PTPN11: variants seen among roughly 807,000 people sequenced by gnomAD.
PTPN11 encodes the protein protein tyrosine phosphatase non-receptor type 11.
PTPN11 carries 6 observed loss-of-function variants against 78.8 expected under a neutral mutation model. The observed-to-expected ratio is 0.08, with a 90% CI of 0.04 to 0.15. PTPN11 has a LOEUF of 0.15. PTPN11 is among the 10% of genes least tolerant of loss of function. The probability of loss-of-function intolerance (pLI) is 1.00; values close to 1 mark genes in which losing one functional copy is unlikely to be tolerated. For synonymous variants in PTPN11, 221 were observed against 263.5 expected (o/e 0.84, Z 1.56); for missense variants, 386 against 744.8 (o/e 0.52, Z 5.61).
intron 6 of PTPN11, among the ~76,000 whole-genome samples, chr12:112,465,715 C>A (rs907463839): frequency 6.6e-6 from 1 of 152,118 alleles, no homozygotes; most frequent in Non-Finnish European, 1.5e-5. Flanking sequence ...TACTTCTAGC[C>A]CCTTTCAGAT....
intron 13 of PTPN11, among the ~76,000 whole-genome samples, chr12:112,489,929 A>C (rs1039423176): frequency 1.3e-5 from 2 of 152,196 alleles, no homozygotes; most frequent in Non-Finnish European, 2.9e-5. Flanking sequence ...CAGTATTTGA[A>C]AGATTTCTAG....
rs199595513 is a variant in PTPN11 at position 112,477,532 on chromosome 12, G to GT, written c.854-110dup. 2.4e-3 allele frequency: 1,875 copies of GT among 770,114 alleles called. 1 individual carries two copies. The highest frequency in any genetic ancestry group is 4.5e-3 in the African/African-American group (255 of 56,408). 47.7% of individuals were successfully genotyped at this position (770,114 alleles called of 1,614,324 possible). ...CTTACCTGGGCTTTAATTTTTATGTGTTTTTTTTTCAATCATTGAATGAAC... is the reference window on the plus strand; with the variant it reads ...CTTACCTGGGCTTTAATTTTTATGTGTTTTTTTTTTCAATCATTGAATGAAC... On this transcript the variant is annotated intron_variant, in intron 7 of 15. Coordinates refer to ENST00000351677, the MANE Select transcript of PTPN11 (RefSeq NM_002834.5).
At chr12:112,485,470 G>A (rs1346389010) in intron 10 of PTPN11, among the ~76,000 whole-genome samples, 1 of 152,174 alleles carries the variant, frequency 6.6e-6, no homozygotes. Context: ...CTGGGCAGAG[G>A]CTGAGTATTT....
chr12:112,502,290 G>T, intron 14 of PTPN11, 34 bp downstream of exon 14: 1 of 1,549,068 alleles, frequency 6.5e-7, no homozygotes, highest in Non-Finnish European at 8.9e-7. Context: ...TTTTTACCTG[G>T]TCATGGTGGT....
At chr12:112,455,904 TCTGTAATATTTTC>T in intron 5 of PTPN11, 33 bp from the exon 6 acceptor site, 1 of 1,148,454 alleles carries the variant, frequency 8.7e-7, no homozygotes, top group Non-Finnish European at 1.3e-6. Flanking sequence ...AACACCGTTT[TCTGTAATATTTTC>T]TTTATTTTAC....
chr12:112,425,917 AT>A (rs1414049549), intron 1 of PTPN11, among the ~76,000 whole-genome samples: 2 of 151,742 alleles, frequency 1.3e-5, no homozygotes, highest in Non-Finnish European at 2.9e-5. Flanking sequence ...TTTTATAGAG[AT>A]GAGGTCGGAA....
chr12:112,488,538 C>T lies in PTPN11; in HGVS notation c.1447+28C>T, dbSNP rs370390890. ...GGGTCATCTGGTGGGCAAGAAGCGACAGTTTCTGTTTTTAGTTTATGGAAG... is the reference window on the plus strand; with the variant it reads ...GGGTCATCTGGTGGGCAAGAAGCGATAGTTTCTGTTTTTAGTTTATGGAAG... On this transcript the variant is annotated intron_variant, in intron 12 of 15. Coordinates refer to ENST00000351677, the MANE Select transcript of PTPN11 (RefSeq NM_002834.5). The T allele has an allele frequency of 2.9e-5, 45 of 1,567,844 alleles. No homozygotes were observed. The African/African-American group carries it at 6.1e-4, about 21-fold the overall frequency.
intron 6 of PTPN11, among the ~76,000 whole-genome samples, chr12:112,463,147 A>T (rs1387689274): frequency 6.6e-6 from 1 of 152,158 alleles, no homozygotes; most frequent in Admixed American, 6.6e-5. Context: ...TGAGTTGATC[A>T]TTTGTGTAAA....
intron 13 of PTPN11, among the ~76,000 whole-genome samples, chr12:112,500,705 C>T (rs575513256): frequency 6.6e-6 from 1 of 152,328 alleles, no homozygotes; most frequent in South Asian, 2.1e-4. Context: ...GATTCTCATG[C>T]CTCAGCCTCC....
At chr12:112,431,149 G>A (rs1267117186) in intron 1 of PTPN11, among the ~76,000 whole-genome samples, 1 of 152,236 alleles carries the variant, frequency 6.6e-6, no homozygotes, top group Non-Finnish European at 1.5e-5. Flanking sequence ...TGTGGATGTA[G>A]GAGAGAGCAG....
At chr12:112,439,334 C>T (rs1482793452) in intron 1 of PTPN11, among the ~76,000 whole-genome samples, 1 of 152,062 alleles carries the variant, frequency 6.6e-6, no homozygotes, top group East Asian at 1.9e-4. Flanking sequence ...CCCTCTTTTG[C>T]CGAGGCTGGA....
intron 6 of PTPN11, among the ~76,000 whole-genome samples, chr12:112,458,303 TG>T (rs997625759): frequency 6.6e-6 from 1 of 152,252 alleles, no homozygotes; most frequent in African/African-American, 2.4e-5. Flanking sequence ...GTCCAACTTC[TG>T]GGCTCACGCC....
intron 1 of PTPN11, among the ~76,000 whole-genome samples, chr12:112,425,170 T>C (rs1205909694): frequency 6.6e-6 from 1 of 151,506 alleles, no homozygotes; most frequent in Non-Finnish European, 1.5e-5. Context: ...TTTAAAAAAA[T>C]TTTGACATTT....
chr12:112,478,130 GA>G, intron 9 of PTPN11, 115 bp downstream of exon 9: 11 of 1,195,470 alleles, frequency 9.2e-6, no homozygotes, highest in Admixed American at 2.2e-5. Context: ...TGATTCTCTG[GA>G]AAAAAGGGAC....
chr12:112,486,441 A>T (rs2135912039), intron 10 of PTPN11, 34 bp from the exon 11 acceptor site: 1 of 1,576,430 alleles, frequency 6.3e-7, no homozygotes, highest in Non-Finnish European at 8.7e-7. Context: ...TGATTTATTT[A>T]ATTCTTTTCT....
chr12:112,431,366 G>T (rs1401489558), intron 1 of PTPN11, among the ~76,000 whole-genome samples: 1 of 152,152 alleles, frequency 6.6e-6, no homozygotes, highest in Non-Finnish European at 1.5e-5. Context: ...CTGCACTCCA[G>T]CCTGGGGGAC....
intron 6 of PTPN11, among the ~76,000 whole-genome samples, chr12:112,461,308 C>G (rs1317707742): frequency 1.3e-5 from 2 of 149,898 alleles, no homozygotes; most frequent in Admixed American, 6.6e-5. Flanking sequence ...TGATTTTTTC[C>G]TTCTTACTAA....
chr12:112,476,044 ATCC>A (rs1466581800), intron 7 of PTPN11, among the ~76,000 whole-genome samples: 1 of 152,090 alleles, frequency 6.6e-6, no homozygotes, highest in African/African-American at 2.4e-5. Context: ...GGCCCAAACT[ATCC>A]TCCTGCCTTG....
At position 112,480,915 on chromosome 12, in the gene PTPN11, A is replaced by C. The variant is rs545497072; in HGVS notation, c.1093-1159A>C. ...CAAAAGCATTCTCTGCCCAGAACAC[A>C]TCACCAAATAGATACAAACTCATCT... On this transcript the variant is annotated intron_variant, in intron 9 of 15. Coordinates refer to ENST00000351677, the MANE Select transcript of PTPN11 (RefSeq NM_002834.5). Among the ~76,000 whole-genome samples, 28 of 152,362 alleles carry C rather than the reference A, an allele frequency of 1.8e-4. No individual in the cohort carries two copies. The East Asian group carries it at 5.2e-3, about 28-fold the overall frequency.
Sources: gnomAD v4.1 joint callset for allele counts (sites outside exome capture counted in the v4.1 genomes callset) on GRCh38, gnomAD v4.1.1 for gene constraint, MANE v1.5 for transcripts, NCBI Gene and HGNC (gene_info 2026-07-23, HGNC 2026-07-21) for gene names.